The following POLB variants were observed in gnomAD, a reference collection of about 807,000 sequenced individuals.
POLB encodes 5'-dRP lyase.
POLB carries 37 observed loss-of-function variants against 52.7 expected under a neutral mutation model. The ratio of observed to expected loss-of-function variants is 0.70; its 90% CI spans 0.54 to 0.92. The LOEUF is 0.92. Ranked by LOEUF, POLB falls within the 40% of genes least tolerant of loss-of-function variation. The pLI is 0.00. For synonymous variants in POLB, 138 were observed against 131.3 expected (o/e 1.05, Z -0.35); for missense variants, 313 against 400.8 (o/e 0.78, Z 1.87).
rs543313563 is a variant in POLB at position 42,359,010 on chromosome 8, A to T, written c.550+1618A>T. Among the ~76,000 whole-genome samples the T allele has an allele frequency of 2.6e-5, 4 of 152,300 alleles. No individual in the cohort carries two copies. The South Asian group carries it at 8.3e-4, about 32-fold the overall frequency. ...AAATGCATGCTATGTTGGCTATGAC[A>T]GCCTTCCTGGATTTATTTATTTCTA... On this transcript the variant is annotated intron_variant, in intron 9 of 13. Transcript: ENST00000265421.
intron 9 of POLB, among the ~76,000 whole-genome samples, chr8:42,360,416 G>A (rs777322691): frequency 2.6e-5 from 4 of 152,122 alleles, no homozygotes; most frequent in Non-Finnish European, 4.4e-5. Flanking sequence ...AAATGAAAGG[G>A]AGGAGATAGA....
intron 11 of POLB, chr8:42,369,049 A>G (rs1025087231): frequency 3.1e-5 from 11 of 355,288 alleles, no homozygotes; most frequent in Non-Finnish European, 5.6e-5. Flanking sequence ...AAATCCTCAT[A>G]ATGAGAATCC....
At chr8:42,370,138 T>C in intron 13 of POLB, 150 bp downstream of exon 13, 2 of 712,216 alleles carry the variant, frequency 2.8e-6, no homozygotes, top group Non-Finnish European at 2.5e-6. Flanking sequence ...AGAGAGGATT[T>C]AATGCATAAC....
intron 6 of POLB, 170 bp from the exon 7 acceptor site, chr8:42,355,346 T>G: frequency 1.9e-6 from 1 of 540,376 alleles, no homozygotes. Context: ...CCCTGAAGAG[T>G]CACTTTTATC....
chr8:42,358,389 C>T (rs1220078881), intron 9 of POLB, among the ~76,000 whole-genome samples: 1 of 151,970 alleles, frequency 6.6e-6, no homozygotes, highest in Non-Finnish European at 1.5e-5. Flanking sequence ...GTAGTCCCAG[C>T]TCCTCGGGCG....
At chr8:42,344,862 T>G (rs1267412509) in intron 2 of POLB, 91 bp from the exon 3 acceptor site, 1 of 781,218 alleles carries the variant, frequency 1.3e-6, no homozygotes, top group African/African-American at 1.7e-5. Flanking sequence ...AGCATAAGCA[T>G]AGATATTTGC....
rs543000285 is a variant in POLB, at chr8:42,342,319, G to A, written c.120-2634G>A. ...GCCAAACCTATTGAGAAGCCTGTGGGCCAGCAGCAGGCCAGTACAATATGT... is the reference window on the plus strand; with the variant it reads ...GCCAAACCTATTGAGAAGCCTGTGGACCAGCAGCAGGCCAGTACAATATGT... On this transcript the variant is annotated intron_variant, in intron 2 of 13. Coordinates refer to ENST00000265421, the MANE Select transcript of POLB (RefSeq NM_002690.3). The A allele has an allele frequency of 3.3e-5, 51 of 1,522,610 alleles. No homozygotes were observed. In the African/African-American group the frequency reaches 6.5e-4, roughly 20 times the overall value. The allele number at this position is 1,522,610 out of a possible 1,614,324, so 94.3% of individuals were successfully genotyped here. A position where few individuals can be genotyped will look rare whatever the true frequency, so the allele number is the denominator to read the frequency against.
intron 9 of POLB, 193 bp from the exon 10 acceptor site, chr8:42,361,102 C>A: frequency 1.4e-6 from 1 of 691,342 alleles, no homozygotes; most frequent in South Asian, 1.5e-5. Context: ...ACAGATTCTG[C>A]TGTCTACATC....
chr8:42,338,555 C>T lies in POLB; in HGVS notation c.-70C>T. The T allele has an allele frequency of 2.9e-6, 4 of 1,371,584 alleles. No individual in the cohort carries two copies. Among genetic ancestry groups the T allele is most frequent in the South Asian group, 1.2e-5 (1 of 86,120 alleles). The allele number at this position is 1,371,584 out of a possible 1,614,324, so 85.0% of individuals were successfully genotyped here. A position where few individuals can be genotyped will look rare whatever the true frequency, so the allele number is the denominator to read the frequency against. On this transcript the variant is annotated 5_prime_UTR_variant, in exon 1 of 14. Transcript: ENST00000265421. ...TGCTCCCGTCTCCAAGTCCTGGTACCTCCTTCAAGCTGGGAGAGGGCTCTA... is the reference window on the plus strand; with the variant it reads ...TGCTCCCGTCTCCAAGTCCTGGTACTTCCTTCAAGCTGGGAGAGGGCTCTA...
chr8:42,357,458 A>G (rs1460632905), intron 9 of POLB, 66 bp downstream of exon 9: 2 of 832,202 alleles, frequency 2.4e-6, no homozygotes, highest in African/African-American at 3.4e-5. Flanking sequence ...ATATGGGAAG[A>G]ATTTGGATTA....
chr8:42,364,301 G>A (rs549265897), intron 11 of POLB, among the ~76,000 whole-genome samples: 57 of 151,980 alleles, frequency 3.8e-4, no homozygotes, highest in Admixed American at 2.0e-3. Flanking sequence ...GTGCAGTGGC[G>A]AAACATGGCT....
intron 2 of POLB, chr8:42,342,077 T>C (rs1822236667): frequency 5.9e-6 from 6 of 1,015,076 alleles, no homozygotes; most frequent in African/African-American, 1.6e-5. Context: ...TAATTCTGCA[T>C]TGAATTCCTT....
intron 2 of POLB, among the ~76,000 whole-genome samples, chr8:42,344,469 CAAA>C (rs1247235035): frequency 3.8e-5 from 4 of 105,468 alleles, no homozygotes; most frequent in Admixed American, 9.5e-5. Flanking sequence ...AACTCCATCT[CAAA>C]AAAAAAAAAA....
At position 42,344,956 on chromosome 8, in the gene POLB, A is replaced by G; in HGVS notation, c.123A>G (p.Lys41=). 6.3e-7 allele frequency: 1 copy of G among 1,594,048 alleles called. No homozygotes were observed. Among genetic ancestry groups the G allele is most frequent in the Non-Finnish European group, 8.6e-7 (1 of 1,162,110 alleles). The change falls in exon 3 of 14, where the codon AAA becomes AAG. Residue 41 remains lysine, a synonymous_variant. Transcript: ENST00000265421. ...QAIHKYNAYR[K]AASVIAKYPH... ...TCCTTTTCTTCTTTCCTTATAGAAA[A>G]GCAGCATCTGTTATAGCAAAATACC...
At chr8:42,345,392 T>C (rs1298101676) in intron 3 of POLB, among the ~76,000 whole-genome samples, 2 of 152,158 alleles carry the variant, frequency 1.3e-5, no homozygotes, top group African/African-American at 2.4e-5. Flanking sequence ...TAGGAACCTA[T>C]GTGAGTTAGT....
In POLB at chr8:42,357,341, A is replaced by T. The variant is rs987370857; in HGVS notation, c.499A>T (p.Lys167Ter). The T allele has an allele frequency of 2.5e-6, 4 of 1,575,596 alleles. No homozygotes were observed. The highest frequency in any genetic ancestry group is 3.5e-6 in the Non-Finnish European group (4 of 1,145,402). The change falls in exon 9 of 14, where the codon AAA (lysine) becomes TAA (stop). Residue 167 changes from lysine to a stop codon, truncating the protein, a stop_gained. Coordinates refer to ENST00000265421, the MANE Select transcript of POLB (RefSeq NM_002690.3). LOFTEE classifies it high-confidence loss of function. ...TTAGGATATTGTACTAAATGAAGTT[A>T]AAAAAGTGGATTCTGAATACATTGC... ...QMQDIVLNEV[K>*]KVDSEYIATV...
intron 2 of POLB, chr8:42,342,040 A>G (rs1378269672): frequency 6.2e-6 from 5 of 812,026 alleles, no homozygotes; most frequent in Non-Finnish European, 1.1e-5. Flanking sequence ...AATCTGCAAC[A>G]TTCTGGCCTA....
At position 42,371,600 on chromosome 8, in the gene POLB, A is replaced by G; in HGVS notation, c.951A>G (p.Lys317=). ...AGEPLPVDSE[K]DIFDYIQWKY... The stretch of plus-strand genomic sequence containing the variant: ...AACCCCTGCCAGTGGATAGTGAAAA[A>G]GACATCTTTGATTACATCCAGTGGA... The change falls in exon 14 of 14, where the codon AAA becomes AAG. Residue 317 remains lysine (K), a synonymous_variant. Transcript: ENST00000265421. 6.2e-7 allele frequency: 1 copy of G among 1,613,070 alleles called. No homozygotes were observed.
At chr8:42,344,506 C>G (rs1375493463) in intron 2 of POLB, among the ~76,000 whole-genome samples, 1 of 150,460 alleles carries the variant, frequency 6.6e-6, no homozygotes, top group African/African-American at 2.4e-5. Context: ...ATTAGGTGGT[C>G]TGTCAGCTCA....
Sources: allele counts gnomAD v4.1 joint callset (sites outside exome capture counted in the v4.1 genomes callset), GRCh38; gene constraint gnomAD v4.1.1; transcripts MANE v1.5; gene names NCBI Gene and HGNC (gene_info 2026-07-23, HGNC 2026-07-21).